Variants in SPATA1 observed in about 807,000 individuals in gnomAD.
SPATA1 encodes spermatogenesis-associated protein 1.
A neutral mutation model predicts 59.6 loss-of-function variants in SPATA1; 57 were observed. The ratio of observed to expected loss-of-function variants is 0.96; its 90% CI spans 0.77 to 1.19. The LOEUF (loss-of-function observed/expected upper bound fraction) is 1.19. Among genes scored for constraint, SPATA1 ranks in the 50% most tolerant of loss-of-function variants. The probability of loss-of-function intolerance (pLI) is 0.00; values close to 1 mark genes in which losing one functional copy is unlikely to be tolerated. For synonymous variants in SPATA1, 147 were observed against 163.9 expected (o/e 0.90, Z 0.79); for missense variants, 448 against 480.7 (o/e 0.93, Z 0.64).
chr1:84,520,820 T>C, intron 3 of SPATA1, 129 bp downstream of exon 3: 1 of 655,268 alleles, frequency 1.5e-6, no homozygotes, highest in African/African-American at 1.9e-5. Context: ...ATCCATTTCC[T>C]GACTTAATGA....
chr1:84,547,856 G>C (rs772493897), intron 10 of SPATA1, among the ~76,000 whole-genome samples: 2 of 152,164 alleles, frequency 1.3e-5, no homozygotes, highest in Non-Finnish European at 2.9e-5. Flanking sequence ...AGAGGATTTT[G>C]AGCTAGGGAT....
chr1:84,542,879 C>T lies in SPATA1; in HGVS notation c.718-1323C>T, dbSNP rs76384010. Among the ~76,000 whole-genome samples, 1,373 of 152,214 alleles carry T rather than the reference C, an allele frequency of 9.0e-3. 55 individuals carry two copies. In the East Asian group the frequency reaches 0.13, roughly 15 times the overall value. ...ATACAGTACTCTGCCCTTTATCTGTCGTTCCAAGACCCCCTGTGGATGCCT... is the reference window on the plus strand; with the variant it reads ...ATACAGTACTCTGCCCTTTATCTGTTGTTCCAAGACCCCCTGTGGATGCCT... On this transcript the variant is annotated intron_variant, in intron 8 of 12. Coordinates refer to ENST00000490879, the Ensembl canonical transcript of SPATA1.
chr1:84,555,236 T>C (rs199627584), downstream of SPATA1: 116 of 1,509,344 alleles, frequency 7.7e-5, no homozygotes, highest in East Asian at 2.6e-3. Flanking sequence ...TTTAAAGTAT[T>C]TAGTACAATT....
intron 1 of SPATA1, among the ~76,000 whole-genome samples, chr1:84,508,016 T>C (rs1682351345): frequency 6.6e-6 from 1 of 152,196 alleles, no homozygotes; most frequent in Non-Finnish European, 1.5e-5. Context: ...GTATGGTGGC[T>C]CACGCCTGTA....
At chr1:84,540,587 C>T (rs575717648) in intron 8 of SPATA1, among the ~76,000 whole-genome samples, 22 of 152,162 alleles carry the variant, frequency 1.4e-4, no homozygotes, top group South Asian at 1.0e-3. Context: ...GTACTGTTCA[C>T]GTAGTCTTAT....
intron 6 of SPATA1, among the ~76,000 whole-genome samples, chr1:84,529,801 C>T (rs916342273): frequency 6.6e-6 from 1 of 151,454 alleles, no homozygotes. Context: ...CCGCCTCGGC[C>T]TCCCAAAGTG....
Position 84,561,418 on chromosome 1 carries a change from A to G in SPATA1, n.443-4443A>G, listed in dbSNP as rs181035770. On this transcript the variant is annotated intron_variant and non_coding_transcript_variant, in intron 4 of 4. Transcript: ENST00000460286. The stretch of plus-strand genomic sequence containing the variant: ...CTTCTTATGAATACGCAAAGAAAGT[A>G]GTTTCTTGAGAATGGAATCTATTCC... 2.0e-5 allele frequency among the ~76,000 whole-genome samples: 3 copies of G among 152,368 alleles called. No individual in the cohort carries two copies. In the East Asian group the frequency reaches 5.8e-4, roughly 29 times the overall value.
Position 84,522,485 on chromosome 1 carries a change from G to C in SPATA1, c.239G>C (p.Cys80Ser), listed in dbSNP as rs771518961. ...GCAGAAAAATTTTTATTTCTGAAAT[G>C]CATTGGAAATAATTTAGCTGTGGTA... The change falls in exon 4 of 13, where the codon TGC becomes TCC. Residue 80 changes from cysteine to serine, a missense_variant. Physicochemically the swap from Cys to Ser is moderately radical, Grantham distance 112. Transcript: ENST00000490879. 3.3e-6 allele frequency: 5 copies of C among 1,530,922 alleles called. No individual in the cohort carries two copies. In the Admixed American group the frequency reaches 9.6e-5, roughly 30 times the overall value. 94.8% of individuals were successfully genotyped at this position (1,530,922 alleles called of 1,614,324 possible). A position where few individuals can be genotyped will look rare whatever the true frequency, so the allele number is the denominator to read the frequency against.
chr1:84,563,134 T>C (rs1444871734), intron 4 of SPATA1: 1 of 557,294 alleles, frequency 1.8e-6, no homozygotes. Flanking sequence ...CTCATGTAAA[T>C]AGCAGTCTGC....
Position 84,553,088 on chromosome 1 carries a change from G to GAAAA in SPATA1, c.1285_1288dup (p.Ile430LysfsTer15). On this transcript the variant is annotated frameshift_variant, in exon 13 of 13. Transcript: ENST00000490879. LOFTEE classifies it low-confidence loss of function (END_TRUNC). ...GAACATTGAAAACTGAACTGGCACA[G>GAAAA]AAAAAAAAAATAATACATCTCTACA... 1 of 1,397,952 alleles carries GAAAA rather than the reference G, an allele frequency of 7.2e-7. No homozygotes were observed. Among genetic ancestry groups the GAAAA allele is most frequent in the African/African-American group, 1.5e-5 (1 of 66,928 alleles). The allele number at this position is 1,397,952 out of a possible 1,614,324, so 86.6% of individuals were successfully genotyped here.
intron 1 of SPATA1, among the ~76,000 whole-genome samples, chr1:84,510,332 TA>T (rs895647384): frequency 1.4e-4 from 22 of 152,252 alleles, no homozygotes; most frequent in African/African-American, 5.3e-4. Context: ...TAACCCGCTT[TA>T]AAAATGGGCA....
chr1:84,509,208 TAA>T (rs547069684), intron 1 of SPATA1, among the ~76,000 whole-genome samples: 4 of 134,392 alleles, frequency 3.0e-5, no homozygotes, highest in Admixed American at 1.5e-4. Context: ...GGTACTGGCA[TAA>T]AAAAAAAAAA....
At chr1:84,566,443 C>T (rs1325781516), downstream of SPATA1, among the ~76,000 whole-genome samples, 3 of 152,118 alleles carry the variant, frequency 2.0e-5, no homozygotes, top group Non-Finnish European at 2.9e-5. Flanking sequence ...CACCTGTTGG[C>T]ACAACCTGAC....
chr1:84,563,782 C>T (rs1684637891), intron 4 of SPATA1: 14 of 1,608,232 alleles, frequency 8.7e-6, no homozygotes, highest in Non-Finnish European at 1.1e-5. Context: ...CAAGGAACAC[C>T]CATTACAAGT....
At chr1:84,561,770 G>A (rs1320658041) in intron 4 of SPATA1, among the ~76,000 whole-genome samples, 4 of 152,202 alleles carry the variant, frequency 2.6e-5, no homozygotes, top group Admixed American at 1.3e-4. Flanking sequence ...GTTATAACTT[G>A]ATAAAGGCTC....
chr1:84,509,187 C>G (rs1286548397), intron 1 of SPATA1, among the ~76,000 whole-genome samples: 3 of 146,598 alleles, frequency 2.0e-5, no homozygotes, highest in African/African-American at 7.5e-5. Flanking sequence ...CTATAGTAAC[C>G]AAAACAGCAT....
At chr1:84,540,306 T>A (rs1292459966) in intron 8 of SPATA1, among the ~76,000 whole-genome samples, 2 of 152,186 alleles carry the variant, frequency 1.3e-5, no homozygotes, top group East Asian at 3.8e-4. Flanking sequence ...GTTTTTTTCG[T>A]CTTGGTATTT....
At chr1:84,507,324 G>A (rs1287291473) in intron 1 of SPATA1, 1 of 152,148 alleles carries the variant, frequency 6.6e-6, no homozygotes, top group African/African-American at 2.4e-5. Context: ...TTACTCAACA[G>A]TTTATATCAG....
chr1:84,515,417 A>C (rs1367436324), intron 1 of SPATA1, among the ~76,000 whole-genome samples: 1 of 148,716 alleles, frequency 6.7e-6, no homozygotes, highest in Non-Finnish European at 1.5e-5. Context: ...GGTTTTGTAG[A>C]GCTGTAATCA....
Sources: gnomAD v4.1 joint callset for allele counts (sites outside exome capture counted in the v4.1 genomes callset) on GRCh38, gnomAD v4.1.1 for gene constraint, MANE v1.5 for transcripts, NCBI Gene and HGNC (gene_info 2026-07-23, HGNC 2026-07-21) for gene names.